The following EYS variants were observed in gnomAD, a reference collection of about 807,000 sequenced individuals.
The protein encoded by EYS is EGF-like photoreceptor maintenance factor.
A neutral mutation model predicts 282.1 loss-of-function variants in EYS; 250 were observed. The observed-to-expected ratio is 0.89, with a 90% CI of 0.80 to 0.98. EYS has a LOEUF of 0.98. Ranked by LOEUF, EYS falls within the 50% of genes least tolerant of loss-of-function variation. EYS has a pLI of 0.00. For synonymous variants in EYS, 1,355 were observed against 1,282.9 expected, an observed-to-expected ratio of 1.06 and a Z score of -1.20; for missense variants, 4,016 against 3,709.0, an observed-to-expected ratio of 1.08 and a Z score of -2.15.
chr6:65,259,556 C>T lies in EYS; in HGVS notation c.2023+36307G>A, dbSNP rs530811855. 7.2e-5 allele frequency among the ~76,000 whole-genome samples: 11 copies of T among 152,108 alleles called. No individual in the cohort carries two copies. The East Asian group carries it at 1.9e-3, about 27-fold the overall frequency. ...TAAAATTGCCACTTAAGAATTACAA[C>T]ATTAAATAGATGAAATGTTGTATTT... On this transcript the variant is annotated intron_variant, in intron 12 of 42. Transcript: ENST00000503581.
At chr6:63,805,996 T>C (rs1415326022) in intron 37 of EYS, among the ~76,000 whole-genome samples, 194 bp downstream of exon 37, 3 of 152,176 alleles carry the variant, frequency 2.0e-5, no homozygotes, top group Admixed American at 6.6e-5. Context: ...TGATGCAAAG[T>C]AGAGCTTCAG....
chr6:64,966,840 CA>C (rs1227174242), intron 14 of EYS, among the ~76,000 whole-genome samples: 5 of 152,108 alleles, frequency 3.3e-5, no homozygotes, highest in African/African-American at 7.2e-5. Flanking sequence ...TCCCTATTAC[CA>C]TATAAAGTAA....
chr6:64,550,061 T>C (rs1173385773), intron 26 of EYS, among the ~76,000 whole-genome samples: 1 of 152,224 alleles, frequency 6.6e-6, no homozygotes, highest in Non-Finnish European at 1.5e-5. Flanking sequence ...ACGAAGCACA[T>C]GAAATCATCC....
At chr6:65,567,996 A>C (rs1764336632) in intron 2 of EYS, among the ~76,000 whole-genome samples, 1 of 152,104 alleles carries the variant, frequency 6.6e-6, no homozygotes, top group African/African-American at 2.4e-5. Flanking sequence ...CAGATGTTGA[A>C]GTTTCCGTTT....
intron 31 of EYS, among the ~76,000 whole-genome samples, chr6:64,198,164 A>ATT (rs35484359): frequency 0.026 from 3,547 of 138,636 alleles, 38 homozygotes; most frequent in African/African-American, 0.039. Context: ...GGCCCGGCTA[A>ATT]TTTTTTTTTT....
intron 8 of EYS, among the ~76,000 whole-genome samples, chr6:65,361,357 G>A (rs1467182357): frequency 2.4e-5 from 2 of 83,800 alleles, no homozygotes; most frequent in Non-Finnish European, 2.7e-5. Context: ...AAAACTTAAA[G>A]TATAATAAAA....
chr6:63,757,262 T>C (rs1435522533), intron 41 of EYS, among the ~76,000 whole-genome samples: 1 of 152,062 alleles, frequency 6.6e-6, no homozygotes, highest in Non-Finnish European at 1.5e-5. Context: ...GTCTGTGTTA[T>C]GCGGTTGACA....
chr6:65,374,913 C>T (rs1486683537), intron 8 of EYS, among the ~76,000 whole-genome samples: 1 of 152,152 alleles, frequency 6.6e-6, no homozygotes, highest in Non-Finnish European at 1.5e-5. Context: ...TCCCACCTCC[C>T]TAGGACAGAG....
chr6:64,915,107 GC>G lies in EYS; in HGVS notation c.2382-2365del, dbSNP rs1436416231. Among the ~76,000 whole-genome samples the G allele has an allele frequency of 1.1e-4, 17 of 152,048 alleles. No homozygotes were observed. In the South Asian group the frequency reaches 2.9e-3, roughly 26 times the overall value. ...TTTTACTTATAAAAGTTTCTAAGGT[GC>G]TTTTTTTAAAAATCTTTATCTCCTA... On this transcript the variant is annotated intron_variant, in intron 15 of 42. Transcript: ENST00000503581.
chr6:63,901,704 C>G (rs1235163850), intron 35 of EYS, among the ~76,000 whole-genome samples: 1 of 152,150 alleles, frequency 6.6e-6, no homozygotes, highest in Non-Finnish European at 1.5e-5. Flanking sequence ...AGCCAGTCAG[C>G]ACTGGAATAA....
chr6:64,130,230 C>G (rs1357501677), intron 31 of EYS, among the ~76,000 whole-genome samples: 1 of 152,154 alleles, frequency 6.6e-6, no homozygotes, highest in East Asian at 1.9e-4. Flanking sequence ...GGAACCAACC[C>G]AAATGTCCAA....
chr6:64,494,690 A>T (rs1176927788), intron 26 of EYS, among the ~76,000 whole-genome samples: 1 of 151,514 alleles, frequency 6.6e-6, no homozygotes, highest in Non-Finnish European at 1.5e-5. Flanking sequence ...GATTGAAAAA[A>T]CCACTACTCT....
rs144827025 is a variant in EYS at position 63,991,000 on chromosome 6, A to G, written c.6835-6397T>C. 2.7e-3 allele frequency among the ~76,000 whole-genome samples: 410 copies of G among 151,780 alleles called. 1 individual carries two copies. Among genetic ancestry groups the G allele is most frequent in the Non-Finnish European group, 4.3e-3 (291 of 67,778 alleles). On this transcript the variant is annotated intron_variant, in intron 34 of 42. Transcript: ENST00000503581. ...CTATCTTGTTTGACTGAGAGTGTTA[A>G]TGGGACTTGGCATACTCTAGAAGTC...
At chr6:65,036,762 C>T (rs1010600222) in intron 13 of EYS, among the ~76,000 whole-genome samples, 2 of 151,824 alleles carry the variant, frequency 1.3e-5, no homozygotes, top group African/African-American at 4.8e-5. Context: ...CATTGAGATA[C>T]CATCTCATAC....
At chr6:64,552,761 A>C (rs1434348311) in intron 26 of EYS, among the ~76,000 whole-genome samples, 1 of 144,900 alleles carries the variant, frequency 6.9e-6, no homozygotes, top group Non-Finnish European at 1.5e-5. Flanking sequence ...TCTACTAAAC[A>C]TAAAAAAATT....
chr6:65,636,014 G>A (rs1287296997), intron 2 of EYS, among the ~76,000 whole-genome samples: 1 of 152,188 alleles, frequency 6.6e-6, no homozygotes, highest in Non-Finnish European at 1.5e-5. Context: ...TCTGTGTAGT[G>A]TGGCAGGCCT....
At chr6:64,774,871 T>C (rs1773632416) in intron 22 of EYS, among the ~76,000 whole-genome samples, 1 of 152,010 alleles carries the variant, frequency 6.6e-6, no homozygotes, top group Admixed American at 6.6e-5. Flanking sequence ...TTTGACATGC[T>C]TAAATCTAAT....
chr6:65,400,719 T>C lies in EYS; in HGVS notation c.1184+1759A>G, dbSNP rs1766462183. Among the ~76,000 whole-genome samples the C allele has an allele frequency of 2.0e-5, 3 of 151,992 alleles. No homozygotes were observed. The South Asian group carries it at 6.2e-4, about 31-fold the overall frequency. ...TTTCAGTTTCTCTCTCATCTACCCA[T>C]ATAAATTTAGATCTATAGCATATGT... On this transcript the variant is annotated intron_variant, in intron 7 of 42. Transcript: ENST00000503581.
chr6:65,563,376 T>C (rs1769138740), intron 2 of EYS, among the ~76,000 whole-genome samples: 3 of 151,294 alleles, frequency 2.0e-5, no homozygotes, highest in African/African-American at 7.3e-5. Flanking sequence ...ACAGAGTAAT[T>C]GCAGGAGAAA....
Sources: gnomAD v4.1 joint callset for allele counts (sites outside exome capture counted in the v4.1 genomes callset) on GRCh38, gnomAD v4.1.1 for gene constraint, MANE v1.5 for transcripts, NCBI Gene and HGNC (gene_info 2026-07-23, HGNC 2026-07-21) for gene names.